The following IGSF11 variants were observed in gnomAD, a reference collection of about 807,000 sequenced individuals.
IGSF11 encodes immunoglobulin superfamily member 11, also known as CXADR like 1.
IGSF11 carries 22 observed loss-of-function variants against 41.0 expected under a neutral mutation model. The ratio of observed to expected loss-of-function variants is 0.54; its 90% CI spans 0.38 to 0.77. The LOEUF is 0.77. Among genes scored for constraint, IGSF11 ranks in the 30% least tolerant of loss-of-function variants. IGSF11 has a pLI of 0.00. For missense variants in IGSF11, 444 were observed against 530.8 expected (o/e 0.84, Z 1.61); for synonymous variants, 219 against 201.3 (o/e 1.09, Z -0.74).
rs142010076 is a variant in IGSF11 at position 118,938,843 on chromosome 3, G to C, written c.53-8568C>G. Among the ~76,000 whole-genome samples the C allele has an allele frequency of 1.5e-3, 228 of 152,246 alleles. 1 individual carries two copies. The highest frequency in any genetic ancestry group is 4.9e-3 in the African/African-American group (202 of 41,540). On this transcript the variant is annotated intron_variant, in intron 1 of 6. Coordinates refer to ENST00000393775, the MANE Select transcript of IGSF11 (RefSeq NM_001015887.3). ...CAAATAACTAAAACAGGCATAGAGA[G>C]GGATATTACATAATGATAAAACGGC... is the stretch of plus-strand genomic sequence containing the variant.
intron 1 of IGSF11, among the ~76,000 whole-genome samples, chr3:119,101,830 T>G (rs991895847): frequency 6.6e-6 from 1 of 152,230 alleles, no homozygotes; most frequent in Non-Finnish European, 1.5e-5. Context: ...GTATCAACAA[T>G]GATTAAATAA....
At chr3:119,120,752 G>A (rs987004500) in intron 1 of IGSF11, among the ~76,000 whole-genome samples, 3 of 152,192 alleles carry the variant, frequency 2.0e-5, no homozygotes, top group Admixed American at 2.0e-4. Flanking sequence ...CACAAATGGT[G>A]ACAAGGAAAA....
intron 1 of IGSF11, among the ~76,000 whole-genome samples, chr3:119,076,024 C>G (rs2076488925): frequency 6.6e-6 from 1 of 152,170 alleles, no homozygotes; most frequent in Non-Finnish European, 1.5e-5. Flanking sequence ...TACAAGGCTA[C>G]AGTAACCAAA....
intron 1 of IGSF11, among the ~76,000 whole-genome samples, chr3:119,127,555 A>G (rs1056691364): frequency 1.3e-5 from 2 of 152,058 alleles, no homozygotes; most frequent in African/African-American, 4.8e-5. Flanking sequence ...TACAGAGAAC[A>G]CCATTAAGAT....
chr3:119,144,512 A>G (rs1481671454), intron 1 of IGSF11, among the ~76,000 whole-genome samples: 1 of 152,214 alleles, frequency 6.6e-6, no homozygotes, highest in African/African-American at 2.4e-5. Flanking sequence ...TGGAAAATTC[A>G]TACATATTTG....
chr3:118,989,317 T>C (rs1286436766), intron 1 of IGSF11, among the ~76,000 whole-genome samples: 1 of 152,042 alleles, frequency 6.6e-6, no homozygotes, highest in Non-Finnish European at 1.5e-5. Context: ...GATGGCTAAA[T>C]ACACACGTTA....
At chr3:118,961,714 A>ACTGTTTG (rs1945348513) in intron 1 of IGSF11, among the ~76,000 whole-genome samples, 1 of 152,246 alleles carries the variant, frequency 6.6e-6, no homozygotes, top group East Asian at 1.9e-4. Flanking sequence ...AATAGGGTGC[A>ACTGTTTG]CTGTTTGCAA....
chr3:118,958,249 T>C (rs998447168), intron 1 of IGSF11, among the ~76,000 whole-genome samples: 1 of 152,160 alleles, frequency 6.6e-6, no homozygotes, highest in African/African-American at 2.4e-5. Context: ...ATGATGAACA[T>C]CATTACTGTC....
chr3:119,048,860 T>C (rs566057937), intron 1 of IGSF11, among the ~76,000 whole-genome samples: 134 of 152,154 alleles, frequency 8.8e-4, no homozygotes, highest in African/African-American at 2.9e-3. Flanking sequence ...AATCAGTAAA[T>C]GTAATCCAGC....
chr3:118,914,449 G>C lies in IGSF11; in HGVS notation c.581-8731C>G, dbSNP rs537557208. Among the ~76,000 whole-genome samples the C allele has an allele frequency of 4.4e-3, 666 of 151,536 alleles. 11 individuals carry two copies. The highest frequency in any genetic ancestry group is 0.015 in the African/African-American group (636 of 41,252). ...CGAGGCATTGCCTCACCTGGGAAGC[G>C]CAAGGGGTCAGGGAGTTCTCTTTCC... is the stretch of plus-strand genomic sequence containing the variant. On this transcript the variant is annotated intron_variant, in intron 4 of 6. Transcript: ENST00000393775.
intron 1 of IGSF11, among the ~76,000 whole-genome samples, chr3:119,119,368 C>G (rs2077302160): frequency 6.6e-6 from 1 of 152,160 alleles, no homozygotes; most frequent in Admixed American, 6.5e-5. Flanking sequence ...TGCAGGGAAA[C>G]ACCTCTTTTT....
intron 4 of IGSF11, among the ~76,000 whole-genome samples, chr3:118,915,239 G>C (rs1399498352): frequency 7.1e-6 from 1 of 141,438 alleles, no homozygotes; most frequent in Non-Finnish European, 1.5e-5. Context: ...ACCAGCAATG[G>C]AACAAAGCTG....
chr3:118,924,862 G>A (rs933145830), intron 4 of IGSF11, among the ~76,000 whole-genome samples: 1 of 151,968 alleles, frequency 6.6e-6, no homozygotes, highest in Non-Finnish European at 1.5e-5. Context: ...AGCAACAAGG[G>A]CCCAGAGAAG....
chr3:119,050,091 A>T (rs1046739403), intron 1 of IGSF11, among the ~76,000 whole-genome samples: 1 of 149,804 alleles, frequency 6.7e-6, no homozygotes, highest in East Asian at 2.0e-4. Context: ...AGGCATGGGC[A>T]AGGACTTCAT....
At chr3:119,066,255 C>T (rs1013731202) in intron 1 of IGSF11, among the ~76,000 whole-genome samples, 3 of 152,116 alleles carry the variant, frequency 2.0e-5, no homozygotes, top group African/African-American at 7.2e-5. Flanking sequence ...AACAAGGTAA[C>T]ATTTGTTAGG....
At chr3:119,076,260 T>A (rs9683256) in intron 1 of IGSF11, among the ~76,000 whole-genome samples, 11 of 152,144 alleles carry the variant, frequency 7.2e-5, no homozygotes, top group Non-Finnish European at 1.3e-4. Context: ...AAACATTAAT[T>A]CAAGATGAAT....
chr3:119,135,745 T>C (rs1054394895), intron 1 of IGSF11, among the ~76,000 whole-genome samples: 6 of 152,184 alleles, frequency 3.9e-5, no homozygotes, highest in African/African-American at 1.4e-4. Flanking sequence ...ATCATGCTAC[T>C]ATGAAGACAC....
At chr3:119,073,938 G>A (rs1303275423) in intron 1 of IGSF11, among the ~76,000 whole-genome samples, 1 of 152,226 alleles carries the variant, frequency 6.6e-6, no homozygotes, top group African/African-American at 2.4e-5. Context: ...AGGGACGCGA[G>A]GGCTGCCAGC....
chr3:119,051,911 T>A (rs1941642151), intron 1 of IGSF11, among the ~76,000 whole-genome samples: 1 of 152,124 alleles, frequency 6.6e-6, no homozygotes, highest in Non-Finnish European at 1.5e-5. Flanking sequence ...TATGAAAATT[T>A]AAAAATTCTT....
Sources: allele counts gnomAD v4.1 joint callset (sites outside exome capture counted in the v4.1 genomes callset), GRCh38; gene constraint gnomAD v4.1.1; transcripts MANE v1.5; gene names NCBI Gene and HGNC (gene_info 2026-07-23, HGNC 2026-07-21).